ZNF519: variants seen among roughly 807,000 people sequenced by gnomAD.
The protein encoded by ZNF519 is similar to Zinc finger protein 85 (Zinc finger protein HPF4) (HTF1).
Under a neutral mutation model 7.4 loss-of-function variants are expected in ZNF519, and 7 were observed. The ratio of observed to expected loss-of-function variants is 0.94; its 90% CI spans 0.54 to 1.77. The LOEUF (loss-of-function observed/expected upper bound fraction) is 1.77. Ranked by LOEUF, ZNF519 falls within the 40% of genes most tolerant of loss-of-function variation. The probability of loss-of-function intolerance (pLI) is 0.00; values close to 1 mark genes in which losing one functional copy is unlikely to be tolerated. For synonymous variants in ZNF519, 179 were observed against 203.3 expected (o/e 0.88, Z 1.02); for missense variants, 586 against 623.1 (o/e 0.94, Z 0.63).
At chr18:14,121,943 A>G (rs1001803417) in intron 2 of ZNF519, 1 of 152,216 alleles carries the variant, frequency 6.6e-6, no homozygotes, top group Non-Finnish European at 1.5e-5. Flanking sequence ...AGGTGAGTAG[A>G]TACTTTTAAT....
downstream of ZNF519, chr18:14,073,507 G>GT (rs1370884776): frequency 6.6e-6 from 1 of 152,162 alleles, no homozygotes; most frequent in African/African-American, 2.4e-5. Flanking sequence ...CTGACCTCAG[G>GT]TGATCTGCCT....
At chr18:14,088,605 C>T (rs2046101108) in intron 2 of ZNF519, among the ~76,000 whole-genome samples, 1 of 152,034 alleles carries the variant, frequency 6.6e-6, no homozygotes, top group Admixed American at 6.6e-5. Flanking sequence ...ATATCCATCC[C>T]TTATCAAAGA....
At chr18:14,087,201 T>G (rs1312021402) in intron 2 of ZNF519, among the ~76,000 whole-genome samples, 1 of 152,120 alleles carries the variant, frequency 6.6e-6, no homozygotes, top group East Asian at 1.9e-4. Context: ...TATACCTCAA[T>G]ATAATAAAGG....
chr18:14,115,509 A>G (rs1405940931), intron 2 of ZNF519, among the ~76,000 whole-genome samples: 2 of 152,246 alleles, frequency 1.3e-5, no homozygotes, highest in African/African-American at 4.8e-5. Flanking sequence ...ATAAAGTTAT[A>G]TTAATCAAAA....
downstream of ZNF519, among the ~76,000 whole-genome samples, chr18:14,099,189 G>C (rs1336350491): frequency 1.3e-5 from 2 of 151,748 alleles, no homozygotes; most frequent in African/African-American, 4.8e-5. Flanking sequence ...CACCAACCTA[G>C]CCTCCCCCGA....
At chr18:14,096,213 C>G (rs538971071), downstream of ZNF519, among the ~76,000 whole-genome samples, 1 of 152,308 alleles carries the variant, frequency 6.6e-6, no homozygotes, top group South Asian at 2.1e-4. Flanking sequence ...CTGCATCTCT[C>G]TCTATGCTGC....
chr18:14,098,146 T>A (rs897413875), downstream of ZNF519, among the ~76,000 whole-genome samples: 1 of 151,062 alleles, frequency 6.6e-6, no homozygotes, highest in South Asian at 2.1e-4. Context: ...CAGTCGCCTA[T>A]ACAACTTTCA....
rs546938258 is a variant in ZNF519 at position 14,128,533 on chromosome 18, C to A, written c.3+3742G>T. 1.6e-4 allele frequency among the ~76,000 whole-genome samples: 25 copies of A among 152,234 alleles called. 1 individual carries two copies. In the East Asian group the frequency reaches 4.3e-3, roughly 26 times the overall value. ...TAAAGGAAAAATAAACTTCCCTCAT[C>A]TTCATGACAGGAGGTAGTGTTGCAA... On this transcript the variant is annotated intron_variant, in intron 1 of 2. Transcript: ENST00000590202.
At position 14,105,267 on chromosome 18, in the gene ZNF519, T is replaced by C. The variant is rs753052409; in HGVS notation, c.1273A>G (p.Ile425Val). Residue 425 changes from isoleucine to valine, a missense_variant, in exon 3 of 3, where the codon ATC (isoleucine) becomes GTC (valine). Physicochemically the swap from Ile to Val is conservative, Grantham distance 29. Transcript: ENST00000590202. ...TTGAAGTGTTTCTCTCCAGTATGGA[T>C]TCTCTGATGTTGAGTAAGGTGTGAA... The part of the protein sequence containing the change: ...RASHLTQHQR[I>V]HTGEKHFKCK... 1 of 1,613,476 alleles carries C rather than the reference T, an allele frequency of 6.2e-7. No individual in the cohort carries two copies.
chr18:14,099,230 C>T (rs906727035), downstream of ZNF519, among the ~76,000 whole-genome samples: 17 of 152,108 alleles, frequency 1.1e-4, no homozygotes, highest in African/African-American at 4.1e-4. Flanking sequence ...CTCCTCAATA[C>T]TTATCTCTAC....
At position 14,102,920 on chromosome 18, in the gene ZNF519, T is replaced by G. The variant is rs1380984319; in HGVS notation, c.*1997A>C. 1.3e-5 allele frequency: 2 copies of G among 151,652 alleles called. No individual in the cohort carries two copies. Among genetic ancestry groups the G allele is most frequent in the Non-Finnish European group, 2.9e-5 (2 of 67,922 alleles). The allele number at this position is 151,652 out of a possible 1,614,324, so 9.4% of individuals were successfully genotyped here. On this transcript the variant is annotated 3_prime_UTR_variant, in exon 3 of 3. Transcript: ENST00000590202. ...GGCTAGAGAAAACAAGGAAGTAACT[T>G]CAAAAACATGAACAATTATATAAAT...
chr18:14,076,026 T>C (rs1048655400), exon 5 of ZNF519: 12 of 152,086 alleles, frequency 7.9e-5, no homozygotes, highest in Non-Finnish European at 1.2e-4. Context: ...ATTTTTTTTT[T>C]TACAGGTGAG....
At position 14,128,293 on chromosome 18, in the gene ZNF519, A is replaced by AAAACAAACAAACAAACAAACAAAC. The variant is rs372768430; in HGVS notation, c.4-3818_4-3817insGTTTGTTTGTTTGTTTGTTTGTTT. 4.2e-3 allele frequency among the ~76,000 whole-genome samples: 615 copies of AAAACAAACAAACAAACAAACAAAC among 147,894 alleles called. 4 individuals carry two copies. The highest frequency in any genetic ancestry group is 0.015 in the African/African-American group (566 of 38,006). On this transcript the variant is annotated intron_variant, in intron 1 of 2. Transcript: ENST00000590202. ...GGGCGACAGAGCGAGACTCTCTCTC[A>AAAACAAACAAACAAACAAACAAAC]AAACAAACAAACAAACAAACTCTCC...
chr18:14,097,846 T>C (rs559283809), downstream of ZNF519, among the ~76,000 whole-genome samples: 1 of 152,298 alleles, frequency 6.6e-6, no homozygotes, highest in East Asian at 1.9e-4. Flanking sequence ...TATATGTATG[T>C]TTATATTAAT....
At chr18:14,090,510 C>A (rs958340233) in intron 2 of ZNF519, 25 of 152,416 alleles carry the variant, frequency 1.6e-4, no homozygotes, top group African/African-American at 5.5e-4. Flanking sequence ...AGCAATCTTT[C>A]CAAACCTCCC....
intron 2 of ZNF519, among the ~76,000 whole-genome samples, chr18:14,109,538 C>T (rs2046210847): frequency 6.6e-6 from 1 of 151,754 alleles, no homozygotes; most frequent in Admixed American, 6.6e-5. Context: ...ATGAAAAAAC[C>T]TAGAAATTAA....
At chr18:14,124,549 T>G in intron 1 of ZNF519, 73 bp from the exon 2 acceptor site, 1 of 1,526,828 alleles carries the variant, frequency 6.5e-7, no homozygotes. Flanking sequence ...TAACTAGTTC[T>G]GACTTATGTG....
chr18:14,109,779 G>A (rs549333401), intron 2 of ZNF519, among the ~76,000 whole-genome samples: 43 of 152,116 alleles, frequency 2.8e-4, no homozygotes, highest in African/African-American at 1.0e-3. Context: ...CAGATTTACT[G>A]AAATTTCCAT....
intron 2 of ZNF519, among the ~76,000 whole-genome samples, chr18:14,118,806 T>C (rs932827391): frequency 3.3e-5 from 5 of 152,152 alleles, no homozygotes; most frequent in Admixed American, 3.3e-4. Flanking sequence ...GGCAGGCCTG[T>C]AGATCTTGGC....
Sources: allele counts gnomAD v4.1 joint callset (sites outside exome capture counted in the v4.1 genomes callset), GRCh38; gene constraint gnomAD v4.1.1; transcripts MANE v1.5; gene names NCBI Gene and HGNC (gene_info 2026-07-23, HGNC 2026-07-21).